RBMS3: variants seen among roughly 807,000 people sequenced by gnomAD.
RBMS3 encodes the protein RNA binding motif single stranded interacting protein 3, also known as RNA-binding motif, single-stranded-interacting protein 3.
In RBMS3, 27 loss-of-function variants were observed where a neutral mutation model predicts 66.8. The ratio of observed to expected loss-of-function variants is 0.40; its 90% CI spans 0.30 to 0.56. The LOEUF (loss-of-function observed/expected upper bound fraction) is 0.56, where lower values mean the gene tolerates loss of function less well. RBMS3 is among the 20% of genes least tolerant of loss of function. The pLI, the probability that RBMS3 is intolerant of heterozygous loss-of-function variation, is 0.40. For missense variants in RBMS3, 513 were observed against 549.5 expected, an observed-to-expected ratio of 0.93 and a Z score of 0.66; for synonymous variants, 188 against 183.0, an observed-to-expected ratio of 1.03 and a Z score of -0.22.
intron 2 of RBMS3, among the ~76,000 whole-genome samples, chr3:29,437,605 C>G (rs1048146481): frequency 3.3e-5 from 5 of 152,058 alleles, no homozygotes; most frequent in African/African-American, 1.2e-4. Flanking sequence ...GGATTTATTG[C>G]TTAGATTATT....
At chr3:29,990,476 A>G (rs1320285956) in intron 13 of RBMS3, among the ~76,000 whole-genome samples, 1 of 151,340 alleles carries the variant, frequency 6.6e-6, no homozygotes, top group Non-Finnish European at 1.5e-5. Context: ...AAAAAAAAAA[A>G]AAAAAAATAG....
intron 3 of RBMS3, among the ~76,000 whole-genome samples, chr3:29,500,574 T>G (rs2043930030): frequency 6.6e-6 from 1 of 152,068 alleles, no homozygotes; most frequent in South Asian, 2.1e-4. Context: ...ACCTTTTCTA[T>G]GTTTAGATAT....
intron 4 of RBMS3, among the ~76,000 whole-genome samples, chr3:29,668,506 A>C (rs1011081369): frequency 6.6e-6 from 1 of 151,662 alleles, no homozygotes; most frequent in African/African-American, 2.4e-5. Flanking sequence ...CAAATCTAGA[A>C]GCCAAGAAAA....
chr3:29,748,237 G>A (rs1186384471), intron 5 of RBMS3, among the ~76,000 whole-genome samples: 2 of 152,152 alleles, frequency 1.3e-5, no homozygotes, highest in African/African-American at 4.8e-5. Context: ...CTAAGGTGGG[G>A]CCAAGTTTGG....
intron 1 of RBMS3, among the ~76,000 whole-genome samples, chr3:29,427,788 G>A (rs375156447): frequency 1.4e-3 from 219 of 152,174 alleles, no homozygotes; most frequent in African/African-American, 5.1e-3. Flanking sequence ...ATGGAGTCCA[G>A]AGCTACTCCA....
At chr3:29,782,643 T>C (rs1037967255) in intron 6 of RBMS3, among the ~76,000 whole-genome samples, 3 of 152,084 alleles carry the variant, frequency 2.0e-5, no homozygotes, top group African/African-American at 7.2e-5. Flanking sequence ...CCCCAAAAGA[T>C]CATGTCAGTT....
chr3:29,513,918 C>T (rs2044511913), intron 3 of RBMS3, among the ~76,000 whole-genome samples: 1 of 152,172 alleles, frequency 6.6e-6, no homozygotes, highest in Non-Finnish European at 1.5e-5. Context: ...ACACTCCTGA[C>T]TTCCTTTGAC....
chr3:29,881,533 C>T (rs2059736765), intron 7 of RBMS3, among the ~76,000 whole-genome samples: 1 of 152,130 alleles, frequency 6.6e-6, no homozygotes. Flanking sequence ...AGAACTTGAA[C>T]TCAGGTCTGT....
At chr3:29,949,594 T>G (rs1221150267) in intron 12 of RBMS3, among the ~76,000 whole-genome samples, 1 of 151,822 alleles carries the variant, frequency 6.6e-6, no homozygotes, top group Non-Finnish European at 1.5e-5. Context: ...TTTTTGAGCT[T>G]TTTTATTTCA....
intron 6 of RBMS3, among the ~76,000 whole-genome samples, chr3:29,791,353 T>C (rs952589729): frequency 2.6e-5 from 4 of 152,180 alleles, no homozygotes; most frequent in African/African-American, 7.2e-5. Flanking sequence ...TGACCAAAGA[T>C]GTTGAAATGA....
chr3:29,815,417 C>A (rs2057857471), intron 6 of RBMS3, among the ~76,000 whole-genome samples: 1 of 152,102 alleles, frequency 6.6e-6, no homozygotes, highest in Non-Finnish European at 1.5e-5. Flanking sequence ...CCCTAGGAAA[C>A]AATATACTAT....
chr3:29,825,463 G>A (rs556599326), intron 6 of RBMS3, among the ~76,000 whole-genome samples: 140 of 152,232 alleles, frequency 9.2e-4, no homozygotes, highest in Non-Finnish European at 1.7e-3. Context: ...GGAGGGACCT[G>A]GTGAGAGGTA....
chr3:29,948,463 T>C (rs2149711144), intron 12 of RBMS3, among the ~76,000 whole-genome samples: 1 of 151,878 alleles, frequency 6.6e-6, no homozygotes. Flanking sequence ...AAAGGCAGAG[T>C]ATTTTAGCTG....
chr3:29,547,276 C>T (rs886844847), intron 3 of RBMS3, among the ~76,000 whole-genome samples: 3 of 152,154 alleles, frequency 2.0e-5, no homozygotes, highest in Non-Finnish European at 2.9e-5. Context: ...ATTTGCCCTT[C>T]TTCATCCTAA....
At chr3:29,790,308 C>T (rs997776877) in intron 6 of RBMS3, among the ~76,000 whole-genome samples, 10 of 152,064 alleles carry the variant, frequency 6.6e-5, no homozygotes, top group Non-Finnish European at 1.0e-4. Flanking sequence ...TCATATTTAG[C>T]GCTCACATGA....
chr3:29,984,939 TCTG>T (rs1200863436), intron 12 of RBMS3, among the ~76,000 whole-genome samples: 1 of 152,150 alleles, frequency 6.6e-6, no homozygotes, highest in Non-Finnish European at 1.5e-5. Flanking sequence ...TGCTGGAAGA[TCTG>T]CTGCTCTCTT....
chr3:30,002,127 C>T (rs1326593383), intron 14 of RBMS3, among the ~76,000 whole-genome samples: 2 of 151,968 alleles, frequency 1.3e-5, no homozygotes, highest in African/African-American at 2.4e-5. Context: ...TGGGAGAGGG[C>T]TATTGGAAAC....
intron 3 of RBMS3, among the ~76,000 whole-genome samples, chr3:29,513,161 G>C (rs3773052): frequency 0.16 from 24,803 of 152,102 alleles, 2,614 homozygotes; most frequent in East Asian, 0.48. Context: ...ACTTGTTAGA[G>C]AGCAGTCTGA....
chr3:29,867,326 C>A (rs903786738), intron 6 of RBMS3, among the ~76,000 whole-genome samples: 1 of 151,708 alleles, frequency 6.6e-6, no homozygotes, highest in Non-Finnish European at 1.5e-5. Context: ...ATTGTAACAT[C>A]TTAGTGGCAT....
Sources: gnomAD v4.1 joint callset for allele counts (sites outside exome capture counted in the v4.1 genomes callset) on GRCh38, gnomAD v4.1.1 for gene constraint, MANE v1.5 for transcripts, NCBI Gene and HGNC (gene_info 2026-07-23, HGNC 2026-07-21) for gene names.